Variants in ELK3 observed in about 807,000 individuals in gnomAD.
ELK3 encodes ETS domain-containing protein Elk-3.
Under a neutral mutation model 28.9 loss-of-function variants are expected in ELK3, and 10 were observed. That is an observed-to-expected ratio of 0.35 (90% confidence interval 0.21 to 0.59). The LOEUF (loss-of-function observed/expected upper bound fraction) is 0.59, where lower values mean the gene tolerates loss of function less well. Ranked by LOEUF, ELK3 falls within the 20% of genes least tolerant of loss-of-function variation. ELK3 has a pLI of 0.82. For missense variants in ELK3, 463 were observed against 517.3 expected, an observed-to-expected ratio of 0.90 and a Z score of 1.02; for synonymous variants, 272 against 243.5, an observed-to-expected ratio of 1.12 and a Z score of -1.09.
intron 1 of ELK3, among the ~76,000 whole-genome samples, chr12:96,218,621 G>C (rs75608096): frequency 0.043 from 6,517 of 151,594 alleles, 222 homozygotes; most frequent in Non-Finnish European, 0.062. Context: ...TTAAAAAAGT[G>C]GGGGTCTAGG....
intron 2 of ELK3, among the ~76,000 whole-genome samples, chr12:96,226,100 C>A (rs1027565192): frequency 1.3e-5 from 2 of 152,004 alleles, no homozygotes; most frequent in Non-Finnish European, 2.9e-5. Flanking sequence ...CCACTGCACT[C>A]CAGCTTGGGC....
At chr12:96,246,642 C>T (rs1490127495) in intron 2 of ELK3, among the ~76,000 whole-genome samples, 1 of 152,184 alleles carries the variant, frequency 6.6e-6, no homozygotes, top group African/African-American at 2.4e-5. Flanking sequence ...GCCTGTGCGA[C>T]AGAGTGAGAC....
intron 2 of ELK3, among the ~76,000 whole-genome samples, chr12:96,224,240 A>G (rs1951683325): frequency 6.6e-6 from 1 of 152,254 alleles, no homozygotes; most frequent in Non-Finnish European, 1.5e-5. Flanking sequence ...GAATCAGCAT[A>G]GGAATAATAA....
rs144847499 is a variant in ELK3, at chr12:96,247,399, T to G, written c.667T>G (p.Ser223Ala). 11 of 1,613,968 alleles carry G rather than the reference T, an allele frequency of 6.8e-6. No homozygotes were observed. Among genetic ancestry groups the G allele is most frequent in the Non-Finnish European group, 9.3e-6 (11 of 1,180,040 alleles). The change falls in exon 3 of 5, where the codon TCC becomes GCC. Residue 223 changes from serine to alanine, a missense_variant. Ser to Ala is a moderately conservative substitution (Grantham distance 99). Transcript: ENST00000228741. The surrounding 1 kb of genome is among the most constrained non-coding windows in gnomAD (Gnocchi z 5.5). ...FLASSVSAKISSLMLPNAASI... is the reference protein window; with the variant it reads ...FLASSVSAKIASLMLPNAASI... Reference sequence around the variant, plus strand: ...GGCCTCGTCCGTCTCGGCCAAGATCTCCTCTTTAATGTTGCCAAACGCTGC... The same window carrying G: ...GGCCTCGTCCGTCTCGGCCAAGATCGCCTCTTTAATGTTGCCAAACGCTGC...
At chr12:96,234,932 G>C (rs1951770301) in intron 2 of ELK3, among the ~76,000 whole-genome samples, 1 of 152,202 alleles carries the variant, frequency 6.6e-6, no homozygotes, top group Non-Finnish European at 1.5e-5. Flanking sequence ...ATTACCCCAA[G>C]GGCAGCCAGG....
intron 1 of ELK3, among the ~76,000 whole-genome samples, chr12:96,221,108 T>C (rs1951658443): frequency 6.6e-6 from 1 of 152,108 alleles, no homozygotes; most frequent in Non-Finnish European, 1.5e-5. Context: ...AAAGCCCCAA[T>C]GTCAGCACTC....
chr12:96,197,158 G>A (rs1951476391), intron 1 of ELK3, among the ~76,000 whole-genome samples: 2 of 152,154 alleles, frequency 1.3e-5, no homozygotes, highest in Non-Finnish European at 2.9e-5. Flanking sequence ...AAAAAAGGGA[G>A]TATTTAGAAT....
At chr12:96,233,028 C>A (rs1483654964) in intron 2 of ELK3, among the ~76,000 whole-genome samples, 1 of 152,168 alleles carries the variant, frequency 6.6e-6, no homozygotes, top group Non-Finnish European at 1.5e-5. Context: ...AAATAAAAAT[C>A]TGTGTCTCCT....
intron 2 of ELK3, among the ~76,000 whole-genome samples, chr12:96,226,233 G>A (rs1403520615): frequency 1.3e-5 from 2 of 152,202 alleles, no homozygotes; most frequent in African/African-American, 4.8e-5. Flanking sequence ...CAGGTGGCTG[G>A]TGTGGCCTGC....
chr12:96,247,146 C>A lies in ELK3; in HGVS notation c.414C>A (p.Ile138=), dbSNP rs1417381621. ...ALRSTSRNEY[I]HSGLYSSFTI... ...GAAGCACGAGCCGCAACGAATACAT[C>A]CACTCAGGCCTGTACTCGTCCTTCA... The change falls in exon 3 of 5, where the codon ATC becomes ATA. Residue 138 remains isoleucine (I), a synonymous_variant. Coordinates refer to ENST00000228741, the MANE Select transcript of ELK3 (RefSeq NM_005230.4). This position sits in a 1 kb window ranked among gnomAD's most constrained non-coding sequence, Gnocchi z 5.5. 3 of 1,614,050 alleles carry A rather than the reference C, an allele frequency of 1.9e-6. No individual in the cohort carries two copies. The highest frequency in any genetic ancestry group is 2.5e-6 in the Non-Finnish European group (3 of 1,179,952).
intron 1 of ELK3, among the ~76,000 whole-genome samples, chr12:96,200,058 C>T (rs187481828): frequency 6.6e-6 from 1 of 151,934 alleles, no homozygotes; most frequent in Non-Finnish European, 1.5e-5. Flanking sequence ...GATACCTTCT[C>T]TTTTTATTTT....
Position 96,196,054 on chromosome 12 carries a change from A to T in ELK3, c.-3+1349A>T, listed in dbSNP as rs192825962. The stretch of plus-strand genomic sequence containing the variant: ...TGCTGCAGGGGGAAAAAGTTCCTTG[A>T]ATTTTCCACTGGCTGCTGCAGGAAG... On this transcript the variant is annotated intron_variant, in intron 1 of 4. Coordinates refer to ENST00000228741, the MANE Select transcript of ELK3 (RefSeq NM_005230.4). Among the ~76,000 whole-genome samples the T allele has an allele frequency of 2.3e-4, 35 of 152,208 alleles. 1 individual carries two copies. The highest frequency in any genetic ancestry group is 2.0e-3 in the Admixed American group (31 of 15,286).
intron 2 of ELK3, among the ~76,000 whole-genome samples, chr12:96,230,531 C>T (rs969067900): frequency 7.2e-5 from 11 of 152,116 alleles, no homozygotes; most frequent in Non-Finnish European, 1.2e-4. Context: ...CACTAGACTC[C>T]GTGACAGGTG....
chr12:96,214,145 A>T (rs949734093), intron 1 of ELK3, among the ~76,000 whole-genome samples: 9 of 152,074 alleles, frequency 5.9e-5, no homozygotes, highest in Admixed American at 3.3e-4. Flanking sequence ...AACATTGCAG[A>T]CTGGGCCAGA....
At chr12:96,250,600 C>T (rs972566390) in intron 3 of ELK3, among the ~76,000 whole-genome samples, 1 of 152,220 alleles carries the variant, frequency 6.6e-6, no homozygotes, top group African/African-American at 2.4e-5. Flanking sequence ...TGTGGAATTC[C>T]TTTCGGCCTC....
At chr12:96,201,964 T>C (rs1951510284) in intron 1 of ELK3, among the ~76,000 whole-genome samples, 1 of 152,220 alleles carries the variant, frequency 6.6e-6, no homozygotes, top group Non-Finnish European at 1.5e-5. Context: ...CACCTCATTC[T>C]TGGGGACATC....
At chr12:96,256,933 G>A (rs1195248930) in intron 3 of ELK3, among the ~76,000 whole-genome samples, 6 of 152,204 alleles carry the variant, frequency 3.9e-5, no homozygotes, top group African/African-American at 7.2e-5. Flanking sequence ...AGTGGAAGTG[G>A]AAGATGAACT....
At chr12:96,243,084 G>GA (rs1951832407) in intron 2 of ELK3, among the ~76,000 whole-genome samples, 1 of 152,140 alleles carries the variant, frequency 6.6e-6, no homozygotes, top group Non-Finnish European at 1.5e-5. Flanking sequence ...TCTAGCTATA[G>GA]AAAGTTCCCA....
intron 1 of ELK3, among the ~76,000 whole-genome samples, chr12:96,221,923 T>C (rs1951664864): frequency 6.6e-6 from 1 of 152,128 alleles, no homozygotes; most frequent in Non-Finnish European, 1.5e-5. Flanking sequence ...TTGGTACAAA[T>C]AACCCTCCCC....
Sources: gnomAD v4.1 joint callset for allele counts (sites outside exome capture counted in the v4.1 genomes callset) on GRCh38, gnomAD v4.1.1 for gene constraint, Gnocchi (gnomAD v3.1) non-coding constraint, MANE v1.5 for transcripts, NCBI Gene and HGNC (gene_info 2026-07-23, HGNC 2026-07-21) for gene names.